Variants in IDE observed in about 807,000 individuals in gnomAD.
The protein encoded by IDE is insulin-degrading enzyme.
In IDE, 58 loss-of-function variants were observed where a neutral mutation model predicts 133.2. That is an observed-to-expected ratio of 0.44 (90% CI 0.35 to 0.54). The LOEUF (loss-of-function observed/expected upper bound fraction) is 0.54. Ranked by LOEUF, IDE falls within the 20% of genes least tolerant of loss-of-function variation. The pLI, the probability that IDE is intolerant of heterozygous loss-of-function variation, is 0.00. For missense variants in IDE, 981 were observed against 1,234.0 expected, an observed-to-expected ratio of 0.79 and a Z score of 3.07; for synonymous variants, 396 against 421.3, an observed-to-expected ratio of 0.94 and a Z score of 0.73.
intron 13 of IDE, among the ~76,000 whole-genome samples, chr10:92,484,923 G>A (rs1436545948): frequency 1.3e-5 from 2 of 151,858 alleles, no homozygotes; most frequent in Non-Finnish European, 2.9e-5. Context: ...GGGCGTGGTG[G>A]TGGGTGCTTG....
intron 1 of IDE, among the ~76,000 whole-genome samples, chr10:92,551,702 G>A (rs1589527896): frequency 6.6e-6 from 1 of 152,152 alleles, no homozygotes; most frequent in African/African-American, 2.4e-5. Context: ...AGGGTCTGAA[G>A]GGAGGGGAAA....
chr10:92,569,282 G>A (rs1296693114), intron 1 of IDE, among the ~76,000 whole-genome samples: 3 of 152,210 alleles, frequency 2.0e-5, no homozygotes, highest in Non-Finnish European at 4.4e-5. Context: ...TTACATGCTG[G>A]GTCAAGAAGT....
At chr10:92,528,024 A>C (rs562368597) in intron 4 of IDE, among the ~76,000 whole-genome samples, 1 of 152,294 alleles carries the variant, frequency 6.6e-6, no homozygotes, top group Non-Finnish European at 1.5e-5. Flanking sequence ...TCTTTCTGGC[A>C]ACCTTGCTGA....
chr10:92,539,066 G>A (rs1021553831), intron 1 of IDE, among the ~76,000 whole-genome samples: 2 of 152,120 alleles, frequency 1.3e-5, no homozygotes, highest in Non-Finnish European at 2.9e-5. Context: ...AAAAAATCTA[G>A]TTTGCTTTCA....
chr10:92,468,784 T>G, intron 19 of IDE, 95 bp downstream of exon 19: 2 of 621,258 alleles, frequency 3.2e-6, no homozygotes. Context: ...AAGTAAATCT[T>G]TGGCGTAAAA....
At chr10:92,557,987 A>C (rs1843095701) in intron 1 of IDE, among the ~76,000 whole-genome samples, 1 of 152,176 alleles carries the variant, frequency 6.6e-6, no homozygotes, top group Admixed American at 6.5e-5. Context: ...CTCTCACCTC[A>C]CACCATACAT....
At chr10:92,470,035 A>G (rs955419802) in intron 18 of IDE, among the ~76,000 whole-genome samples, 5 of 152,156 alleles carry the variant, frequency 3.3e-5, no homozygotes, top group Middle Eastern at 3.2e-3. Context: ...CACAAGGTAG[A>G]AAACAGCAGA....
chr10:92,531,111 T>C (rs1321711396), intron 4 of IDE, among the ~76,000 whole-genome samples: 1 of 152,210 alleles, frequency 6.6e-6, no homozygotes, highest in Non-Finnish European at 1.5e-5. Context: ...ACAGACTTTG[T>C]GTTTCTGCTT....
intron 1 of IDE, among the ~76,000 whole-genome samples, chr10:92,558,032 G>A (rs778260268): frequency 6.6e-6 from 1 of 152,124 alleles, no homozygotes; most frequent in Admixed American, 6.5e-5. Flanking sequence ...AGACTTCCAT[G>A]TAACAGCTAA....
chr10:92,563,837 G>A (rs894882755), intron 1 of IDE, among the ~76,000 whole-genome samples: 1 of 152,010 alleles, frequency 6.6e-6, no homozygotes. Flanking sequence ...TTTAAAGGGA[G>A]GGGAAAAAAG....
At chr10:92,548,607 A>C (rs1246800579) in intron 1 of IDE, among the ~76,000 whole-genome samples, 2 of 152,128 alleles carry the variant, frequency 1.3e-5, no homozygotes, top group African/African-American at 4.8e-5. Flanking sequence ...GGTGCAAATG[A>C]ACCACCTCCA....
intron 24 of IDE, 80 bp from the exon 25 acceptor site, chr10:92,454,619 G>A (rs1236530402): frequency 1.1e-6 from 1 of 950,952 alleles, no homozygotes; most frequent in Non-Finnish European, 1.7e-6. Context: ...GGCGGACACT[G>A]GGAGCATACC....
chr10:92,573,895 A>AGGGCCCGG (rs1163675736), intron 1 of IDE, 27 bp downstream of exon 1: 9 of 1,419,600 alleles, frequency 6.3e-6, no homozygotes, highest in Non-Finnish European at 8.3e-6. Flanking sequence ...ACGGGGCCCG[A>AGGGCCCGG]GGGCCCGGGC....
At chr10:92,544,914 C>T (rs1455072262) in intron 1 of IDE, among the ~76,000 whole-genome samples, 1 of 152,048 alleles carries the variant, frequency 6.6e-6, no homozygotes, top group Non-Finnish European at 1.5e-5. Context: ...ACAAGTACTA[C>T]AGTAGACATG....
At chr10:92,528,430 T>C (rs1029197208) in intron 4 of IDE, among the ~76,000 whole-genome samples, 4 of 151,852 alleles carry the variant, frequency 2.6e-5, no homozygotes, top group Middle Eastern at 3.4e-3. Context: ...ATTAAATGCA[T>C]TTAAAGTATT....
At chr10:92,525,765 A>C (rs566378884) in intron 4 of IDE, among the ~76,000 whole-genome samples, 2 of 151,634 alleles carry the variant, frequency 1.3e-5, no homozygotes, top group African/African-American at 2.4e-5. Context: ...AAAAAAAAAA[A>C]AAAAACCAAG....
At chr10:92,524,101 A>G (rs1239388238) in intron 4 of IDE, among the ~76,000 whole-genome samples, 1 of 150,382 alleles carries the variant, frequency 6.6e-6, no homozygotes, top group African/African-American at 2.4e-5. Context: ...GAAGAGAAAA[A>G]GTGAAAGTGG....
Position 92,537,139 on chromosome 10 carries a change from G to A in IDE, c.283+227C>T, listed in dbSNP as rs529013574. On this transcript the variant is annotated intron_variant, in intron 2 of 24. Transcript: ENST00000265986. ...TAAAGAATGGCAATGAATTTTTGCT[G>A]CTAGGTCACCTTAGGTGGGAACCTA... is the stretch of plus-strand genomic sequence containing the variant. Among the ~76,000 whole-genome samples, 190 of 152,086 alleles carry A rather than the reference G, an allele frequency of 1.2e-3. 1 individual carries two copies. Among genetic ancestry groups the A allele is most frequent in the African/African-American group, 4.0e-3 (164 of 41,498 alleles).
At chr10:92,563,048 C>A (rs545946356) in intron 1 of IDE, among the ~76,000 whole-genome samples, 1 of 152,056 alleles carries the variant, frequency 6.6e-6, no homozygotes, top group Non-Finnish European at 1.5e-5. Context: ...GTCAGGCGTT[C>A]GAGACCAGCC....
Sources: gnomAD v4.1 joint callset for allele counts (sites outside exome capture counted in the v4.1 genomes callset) on GRCh38, gnomAD v4.1.1 for gene constraint, MANE v1.5 for transcripts, NCBI Gene and HGNC (gene_info 2026-07-23, HGNC 2026-07-21) for gene names.